Variants in ASPH observed in about 807,000 individuals in gnomAD.
ASPH encodes aspartate beta-hydroxylase.
Under a neutral mutation model 118.4 loss-of-function variants are expected in ASPH, and 100 were observed. The ratio of observed to expected loss-of-function variants is 0.84; its 90% CI spans 0.72 to 1.00. ASPH has a LOEUF of 1.00. Among genes scored for constraint, ASPH ranks in the 50% least tolerant of loss-of-function variants. The pLI, the probability that ASPH is intolerant of heterozygous loss-of-function variation, is 0.00. For synonymous variants in ASPH, 315 were observed against 325.6 expected, an observed-to-expected ratio of 0.97 and a Z score of 0.35; for missense variants, 920 against 919.5, an observed-to-expected ratio of 1.00 and a Z score of -0.01.
chr8:61,693,894 G>A (rs561926513), intron 1 of ASPH, among the ~76,000 whole-genome samples: 2 of 152,090 alleles, frequency 1.3e-5, no homozygotes, highest in Admixed American at 6.5e-5. Flanking sequence ...GTGGACTGCC[G>A]TGACTGCCTC....
chr8:61,587,871 T>C (rs1839927101), intron 14 of ASPH, among the ~76,000 whole-genome samples: 1 of 152,162 alleles, frequency 6.6e-6, no homozygotes, highest in Non-Finnish European at 1.5e-5. Context: ...GAGGCACATG[T>C]TCTACCTGTA....
At position 61,714,458 on chromosome 8, in the gene ASPH, G is replaced by A; in HGVS notation, c.-87C>T. ...CGCGACGCGGGAACCGCTGGCGGCG[G>A]CGGGCCGCTGGAGCGGGTTCGGGCC... On this transcript the variant is annotated 5_prime_UTR_variant, in exon 1 of 25. Transcript: ENST00000379454. The A allele has an allele frequency of 1.5e-6, 2 of 1,362,502 alleles. No homozygotes were observed. Among genetic ancestry groups the A allele is most frequent in the Non-Finnish European group, 1.9e-6 (2 of 1,058,832 alleles). The allele number at this position is 1,362,502 out of a possible 1,614,324, so 84.4% of individuals were successfully genotyped here.
intron 9 of ASPH, 59 bp from the exon 10 acceptor site, chr8:61,642,979 T>C: frequency 6.9e-7 from 1 of 1,444,884 alleles, no homozygotes; most frequent in Non-Finnish European, 9.3e-7. Context: ...TCTATACAAT[T>C]GTTCAGTTAA....
At chr8:61,506,174 A>T (rs981596811) in intron 24 of ASPH, among the ~76,000 whole-genome samples, 1 of 152,240 alleles carries the variant, frequency 6.6e-6, no homozygotes, top group Non-Finnish European at 1.5e-5. Flanking sequence ...CACATGCTAC[A>T]ACATGTATGA....
chr8:61,503,159 C>T lies in ASPH; in HGVS notation c.*200G>A, dbSNP rs1805218714. 3 of 476,300 alleles carry T rather than the reference C, an allele frequency of 6.3e-6. No homozygotes were observed. The highest frequency in any genetic ancestry group is 8.3e-5 in the Admixed American group (2 of 24,124). 29.5% of individuals were successfully genotyped at this position (476,300 alleles called of 1,614,324 possible). On this transcript the variant is annotated 3_prime_UTR_variant, in exon 25 of 25. Transcript: ENST00000379454. ...AGTGCTGTCATGAGATGACACACAGCAGGGTGTTTCCTAAATGAATTGCAG... is the reference window on the plus strand; with the variant it reads ...AGTGCTGTCATGAGATGACACACAGTAGGGTGTTTCCTAAATGAATTGCAG...
chr8:61,541,379 G>A (rs1378061052), intron 21 of ASPH, among the ~76,000 whole-genome samples: 3 of 152,052 alleles, frequency 2.0e-5, no homozygotes, highest in Admixed American at 2.0e-4. Flanking sequence ...AAAGGGAAAT[G>A]CCCTATTCAT....
At chr8:61,665,351 C>T in intron 3 of ASPH, 1 of 1,613,918 alleles carries the variant, frequency 6.2e-7, no homozygotes. Flanking sequence ...TGCCATTTTA[C>T]TAGAAACATC....
At chr8:61,523,599 G>C (rs1814089355) in intron 22 of ASPH, among the ~76,000 whole-genome samples, 1 of 151,918 alleles carries the variant, frequency 6.6e-6, no homozygotes. Context: ...TTACAGTCAT[G>C]AGCCACCACA....
chr8:61,653,451 T>C, intron 4 of ASPH, 117 bp downstream of exon 4: 1 of 912,808 alleles, frequency 1.1e-6, no homozygotes, highest in Non-Finnish European at 1.6e-6. Flanking sequence ...AAAAAAGTAG[T>C]TAATTATTCT....
intron 1 of ASPH, among the ~76,000 whole-genome samples, chr8:61,702,348 A>G (rs992465038): frequency 5.6e-5 from 8 of 143,752 alleles, no homozygotes; most frequent in African/African-American, 2.1e-4. Context: ...GCAGTGGTGC[A>G]ATCTTGGCTC....
intron 3 of ASPH, chr8:61,659,173 T>C (rs1306491861): frequency 6.6e-6 from 1 of 152,260 alleles, no homozygotes; most frequent in African/African-American, 2.4e-5. Context: ...TCTCATTACT[T>C]TCTCTCTCAG....
At chr8:61,662,123 A>T (rs1343059242) in intron 3 of ASPH, among the ~76,000 whole-genome samples, 1 of 152,200 alleles carries the variant, frequency 6.6e-6, no homozygotes, top group African/African-American at 2.4e-5. Flanking sequence ...ATTAAAGGAT[A>T]GAAGATCATC....
At position 61,552,981 on chromosome 8, in the gene ASPH, C is replaced by T. The variant is rs943708837; in HGVS notation, c.1626+50G>A. ...TAACTTTCCTAGAAATAATTATTCT[C>T]CCAACTCCATCCTCTGTTAGAGAGA... On this transcript the variant is annotated intron_variant, in intron 20 of 24. Transcript: ENST00000379454. The T allele has an allele frequency of 5.6e-6, 8 of 1,423,132 alleles. No individual in the cohort carries two copies. The African/African-American group carries it at 1.0e-4, about 18-fold the overall frequency. 88.2% of individuals were successfully genotyped at this position (1,423,132 alleles called of 1,614,324 possible). A position where few individuals can be genotyped will look rare whatever the true frequency, so the allele number is the denominator to read the frequency against.
chr8:61,681,068 A>G (rs1402978058), intron 2 of ASPH, 32 bp from the exon 3 acceptor site: 2 of 1,517,114 alleles, frequency 1.3e-6, no homozygotes, highest in South Asian at 2.5e-5. Flanking sequence ...GGATATGGGA[A>G]TAAAAAAGAA....
intron 5 of ASPH, among the ~76,000 whole-genome samples, chr8:61,649,367 G>A (rs1322256641): frequency 3.3e-5 from 5 of 152,088 alleles, no homozygotes; most frequent in Admixed American, 2.6e-4. Flanking sequence ...GGGGTGAGGA[G>A]GAGCTATGGG....
intron 3 of ASPH, chr8:61,664,425 A>C: frequency 1.0e-6 from 1 of 980,926 alleles, no homozygotes; most frequent in Non-Finnish European, 1.2e-6. Flanking sequence ...CATAAATAAA[A>C]GTGTTCTGAA....
chr8:61,673,896 G>T (rs1275641547), intron 3 of ASPH, among the ~76,000 whole-genome samples: 1 of 152,180 alleles, frequency 6.6e-6, no homozygotes, highest in Non-Finnish European at 1.5e-5. Flanking sequence ...AGCTACCTGG[G>T]TGTCACCTTC....
chr8:61,522,470 G>A (rs929899673), intron 22 of ASPH, among the ~76,000 whole-genome samples: 1 of 152,026 alleles, frequency 6.6e-6, no homozygotes, highest in African/African-American at 2.4e-5. Context: ...CTAGTGATAT[G>A]GTTTGGCTGC....
Position 61,675,898 on chromosome 8 carries a change from C to T in ASPH, c.322+5070G>A, listed in dbSNP as rs979529128. 2.1e-6 allele frequency: 3 copies of T among 1,400,846 alleles called. No individual in the cohort carries two copies. In the Admixed American group the frequency reaches 9.0e-5, roughly 42 times the overall value. The allele number at this position is 1,400,846 out of a possible 1,614,324, so 86.8% of individuals were successfully genotyped here. On this transcript the variant is annotated intron_variant, in intron 3 of 24. Coordinates refer to ENST00000379454, the MANE Select transcript of ASPH (RefSeq NM_004318.4). ...TTTTCTTCAATAGAAGTTGGGGGAG[C>T]TGAGCGAGCAAGGGACTAGCTAGTA...
Sources: allele counts gnomAD v4.1 joint callset (sites outside exome capture counted in the v4.1 genomes callset), GRCh38; gene constraint gnomAD v4.1.1; transcripts MANE v1.5; gene names NCBI Gene and HGNC (gene_info 2026-07-23, HGNC 2026-07-21).